DENND2D: variants seen among roughly 807,000 people sequenced by gnomAD.
DENND2D encodes DENN domain-containing protein 2D.
In DENND2D, 37 loss-of-function variants were observed where a neutral mutation model predicts 59.8. That is an observed-to-expected ratio of 0.62 (90% confidence interval 0.48 to 0.81). The LOEUF (loss-of-function observed/expected upper bound fraction) is 0.81, where lower values mean the gene tolerates loss of function less well. DENND2D is among the 40% of genes least tolerant of loss of function. The pLI, the probability that DENND2D is intolerant of heterozygous loss-of-function variation, is 0.00. For missense variants in DENND2D, 525 were observed against 579.7 expected, an observed-to-expected ratio of 0.91 and a Z score of 0.97; for synonymous variants, 219 against 211.3, an observed-to-expected ratio of 1.04 and a Z score of -0.31.
rs578113673 is a variant in DENND2D at position 111,194,648 on chromosome 1, C to G, written c.724G>C (p.Glu242Gln). The G allele has an allele frequency of 6.2e-7, 1 of 1,613,910 alleles. No homozygotes were observed. Among genetic ancestry groups the G allele is most frequent in the South Asian group, 1.1e-5 (1 of 91,054 alleles). The change falls in exon 7 of 12, where the codon GAA (glutamate) becomes CAA (glutamine). Residue 242 changes from glutamate (E) to glutamine (Q), a missense_variant. Physicochemically the swap from Glu to Gln is conservative, Grantham distance 29. This residue lies in a region of DENND2D where 47 missense variants were observed against 80.9 expected (regional missense o/e 0.58). Coordinates refer to ENST00000357640, the MANE Select transcript of DENND2D (RefSeq NM_024901.5). ...GAGGCAAAGATCTGAAGTATCTGTT[C>G]AAAACTGAGACAGTGCAATAGAGAA... ...FSSLLHCLSF[E>Q]QILQIFASAV...
chr1:111,194,241 G>T (rs1658019057), intron 7 of DENND2D, among the ~76,000 whole-genome samples: 1 of 152,158 alleles, frequency 6.6e-6, no homozygotes, highest in African/African-American at 2.4e-5. Context: ...TCTACCTCCT[G>T]CCCTGTTCTC....
At chr1:111,203,244 C>T (rs567006750), upstream of DENND2D, among the ~76,000 whole-genome samples, 2 of 152,334 alleles carry the variant, frequency 1.3e-5, no homozygotes, top group African/African-American at 4.8e-5. Context: ...GGAGGAAGAG[C>T]AGATCACTCA....
intron 4 of DENND2D, 195 bp from the exon 5 acceptor site, chr1:111,197,448 G>A (rs1658351179): frequency 4.9e-6 from 7 of 1,431,548 alleles, no homozygotes; most frequent in African/African-American, 1.4e-5. Flanking sequence ...TGGTGGGCAA[G>A]CGCTGCCACC....
intron 5 of DENND2D, 145 bp from the exon 6 acceptor site, chr1:111,196,201 G>T: frequency 1.0e-6 from 1 of 979,414 alleles, no homozygotes; most frequent in Non-Finnish European, 1.4e-6. Flanking sequence ...TCCACGAACT[G>T]GTCCTCTCCC....
upstream of DENND2D, among the ~76,000 whole-genome samples, chr1:111,201,682 T>C (rs1238075520): frequency 6.6e-6 from 1 of 152,028 alleles, no homozygotes; most frequent in Non-Finnish European, 1.5e-5. Flanking sequence ...GGCAAAAGGG[T>C]TTGACGCCAG....
At chr1:111,192,043 A>G in intron 8 of DENND2D, 97 bp downstream of exon 8, 1 of 1,160,804 alleles carries the variant, frequency 8.6e-7, no homozygotes, top group East Asian at 2.7e-5. Flanking sequence ...GAGGTAAGGT[A>G]ACTTGCCCCT....
rs766775299 is a variant in DENND2D at position 111,197,516 on chromosome 1, T to A, written c.427-263A>T. On this transcript the variant is annotated intron_variant, in intron 4 of 11. Transcript: ENST00000357640. ...AGGGGTAGCAAGTGTGCCTTAGAGA[T>A]GAAGAAATGGCTAAGGAGGAAAGCA... 267 of 1,392,292 alleles carry A rather than the reference T, an allele frequency of 1.9e-4. 1 individual carries two copies. Among genetic ancestry groups the A allele is most frequent in the South Asian group, 5.6e-4 (35 of 62,912 alleles). The allele number at this position is 1,392,292 out of a possible 1,614,324, so 86.2% of individuals were successfully genotyped here.
chr1:111,196,369 G>A (rs911265427), intron 5 of DENND2D: 8 of 219,552 alleles, frequency 3.6e-5, no homozygotes, highest in South Asian at 1.4e-4. Flanking sequence ...AAGTCATCCC[G>A]GAGTAAACTC....
upstream of DENND2D, among the ~76,000 whole-genome samples, chr1:111,203,893 G>A (rs1321880122): frequency 6.6e-6 from 1 of 152,170 alleles, no homozygotes; most frequent in Non-Finnish European, 1.5e-5. Flanking sequence ...GACTCCCAGG[G>A]CGGCGAGGTG....
intron 2 of DENND2D, among the ~76,000 whole-genome samples, 188 bp downstream of exon 2, chr1:111,199,435 A>T (rs754961940): frequency 6.6e-6 from 1 of 152,196 alleles, no homozygotes; most frequent in Non-Finnish European, 1.5e-5. Context: ...TTAGACCTAG[A>T]TTCTGTGGGT....
chr1:111,189,084 G>A (rs1657488369), intron 9 of DENND2D, 128 bp downstream of exon 9: 2 of 1,075,926 alleles, frequency 1.9e-6, no homozygotes, highest in African/African-American at 3.1e-5. Context: ...AGAGAGATGT[G>A]GTCTTTTTAG....
Position 111,187,459 on chromosome 1 carries a change from C to T in DENND2D, c.*146G>A. ...ATACCAGGGATCCAAATCTCAGACA[C>T]CAGTTTGAAGCAATACCTGGATACC... is the stretch of plus-strand genomic sequence containing the variant. On this transcript the variant is annotated 3_prime_UTR_variant, in exon 12 of 12. Coordinates refer to ENST00000357640, the MANE Select transcript of DENND2D (RefSeq NM_024901.5). 1 of 653,136 alleles carries T rather than the reference C, an allele frequency of 1.5e-6. No individual in the cohort carries two copies. The highest frequency in any genetic ancestry group is 2.7e-6 in the Non-Finnish European group (1 of 368,266). 40.5% of individuals were successfully genotyped at this position (653,136 alleles called of 1,614,324 possible). A position where few individuals can be genotyped will look rare whatever the true frequency, so the allele number is the denominator to read the frequency against.
At chr1:111,188,841 G>T in intron 9 of DENND2D, 55 bp from the exon 10 acceptor site, 1 of 1,517,440 alleles carries the variant, frequency 6.6e-7, no homozygotes, top group Non-Finnish European at 9.1e-7. Flanking sequence ...GAGTGAAGGT[G>T]GTTGGCAGAA....
upstream of DENND2D, chr1:111,204,117 C>A: frequency 1.1e-5 from 3 of 284,302 alleles, no homozygotes; most frequent in Non-Finnish European, 5.8e-6. Flanking sequence ...TGACCCTCTT[C>A]CCCTCTCCGC....
At position 111,186,907 on chromosome 1, in the gene DENND2D, C is replaced by A. The variant is rs977149175; in HGVS notation, c.*698G>T. Reference sequence around the variant, plus strand: ...ACTGAAGCTGCTTCCCTTCAGTGAGCAGCCTCTCCTCCCAGGATTCTGGAA... The same window carrying A: ...ACTGAAGCTGCTTCCCTTCAGTGAGAAGCCTCTCCTCCCAGGATTCTGGAA... On this transcript the variant is annotated 3_prime_UTR_variant, in exon 12 of 12. Transcript: ENST00000357640. Among the ~76,000 whole-genome samples the A allele has an allele frequency of 3.9e-5, 6 of 152,192 alleles. No individual in the cohort carries two copies. Among genetic ancestry groups the A allele is most frequent in the Admixed American group, 1.3e-4 (2 of 15,280 alleles).
Position 111,189,233 on chromosome 1 carries a change from A to G in DENND2D, c.993T>C (p.Cys331=). 3 of 1,614,216 alleles carry G rather than the reference A, an allele frequency of 1.9e-6. No individual in the cohort carries two copies. The highest frequency in any genetic ancestry group is 1.7e-5 in the Admixed American group (1 of 60,032). ...TTACCGACATTAAGAAGGTTCCTTC[A>G]CAAAGATTGACCAGCAGGACCTGAA... ...PMEEVLLVNL[C]EGTFLMSVGD... Residue 331 remains cysteine (C), a synonymous_variant, in exon 9 of 12, where the codon TGT becomes TGC. Transcript: ENST00000357640.
intron 4 of DENND2D, 73 bp downstream of exon 4, chr1:111,197,847 C>G: frequency 1.2e-6 from 2 of 1,605,114 alleles, no homozygotes; most frequent in South Asian, 1.1e-5. Context: ...TTTTGCAGCT[C>G]AGGCTTGAGC....
intron 8 of DENND2D, among the ~76,000 whole-genome samples, chr1:111,190,397 T>C (rs1022802450): frequency 6.6e-6 from 1 of 152,166 alleles, no homozygotes; most frequent in African/African-American, 2.4e-5. Context: ...AGATTACAAA[T>C]AGGCATCCTG....
chr1:111,195,501 G>C (rs1658139787), intron 6 of DENND2D: 2 of 205,450 alleles, frequency 9.7e-6, no homozygotes, highest in Non-Finnish European at 2.0e-5. Context: ...GCATTCCCCT[G>C]TGCATGGGTG....
Sources: allele counts gnomAD v4.1 joint callset (sites outside exome capture counted in the v4.1 genomes callset), GRCh38; gene constraint gnomAD v4.1.1; regional missense constraint gnomAD v4.1.1; transcripts MANE v1.5; gene names NCBI Gene and HGNC (gene_info 2026-07-23, HGNC 2026-07-21).